The following TAX1BP3 variants were observed in gnomAD, a reference collection of about 807,000 sequenced individuals.
The protein encoded by TAX1BP3 is Tax1 binding protein 3.
Under a neutral mutation model 15.3 loss-of-function variants are expected in TAX1BP3, and 13 were observed. The observed-to-expected ratio is 0.85, with a 90% confidence interval of 0.55 to 1.35. TAX1BP3 has a LOEUF of 1.35. Ranked by LOEUF, TAX1BP3 falls within the 40% of genes most tolerant of loss-of-function variation. TAX1BP3 has a pLI of 0.00. For synonymous variants in TAX1BP3, 70 were observed against 66.0 expected (o/e 1.06, Z -0.30); for missense variants, 147 against 169.6 (o/e 0.87, Z 0.74).
intron 1 of TAX1BP3, chr17:3,665,114 C>T (rs866571394): frequency 1.9e-5 from 14 of 723,950 alleles, no homozygotes; most frequent in Middle Eastern, 6.9e-4. Context: ...GTGGGAAGCC[C>T]GTCTCACAGG....
rs1349691476 is a variant in TAX1BP3 at position 3,664,813 on chromosome 17, A to G, written c.40-15T>C. The stretch of plus-strand genomic sequence containing the variant: ...TCAACTCTTTGCTGGCAAAGAAAAA[A>G]GCCAGTTGAGAGAAGTGGGTGGTTG... On this transcript the variant is annotated splice_polypyrimidine_tract_variant and intron_variant, in intron 1 of 3. Transcript: ENST00000225525. The G allele has an allele frequency of 1.2e-6, 2 of 1,611,346 alleles. No individual in the cohort carries two copies. Among genetic ancestry groups the G allele is most frequent in the African/African-American group, 2.7e-5 (2 of 74,808 alleles).
chr17:3,665,093 G>A, intron 1 of TAX1BP3: 2 of 697,142 alleles, frequency 2.9e-6, no homozygotes, highest in Non-Finnish European at 5.1e-6. Flanking sequence ...CAGGTGCTGT[G>A]GCTTCTGTAG....
At chr17:3,665,556 G>C in intron 1 of TAX1BP3, 1 of 1,378,612 alleles carries the variant, frequency 7.3e-7, no homozygotes, top group Non-Finnish European at 1.0e-6. Context: ...GAAGGAAAAT[G>C]ATCAGAAAAA....
At position 3,663,631 on chromosome 17, in the gene TAX1BP3, C is replaced by G; in HGVS notation, c.*117G>C. 1 of 1,448,216 alleles carries G rather than the reference C, an allele frequency of 6.9e-7. No homozygotes were observed. The highest frequency in any genetic ancestry group is 9.2e-7 in the Non-Finnish European group (1 of 1,090,736). The allele number at this position is 1,448,216 out of a possible 1,614,324, so 89.7% of individuals were successfully genotyped here. On this transcript the variant is annotated 3_prime_UTR_variant, in exon 4 of 4. Transcript: ENST00000225525. ...GGCCAGGCCAGGCCTCTGGGACCAG[C>G]TATAGCCCTTCTGAGCTGGGGCCCA...
In TAX1BP3 at chr17:3,668,411, T is replaced by G. The variant is rs1411335120; in HGVS notation, c.39+77A>C. On this transcript the variant is annotated intron_variant, in intron 1 of 3. Coordinates refer to ENST00000225525, the MANE Select transcript of TAX1BP3 (RefSeq NM_014604.4). This position sits in a 1 kb window ranked among gnomAD's most constrained non-coding sequence, Gnocchi z 4.1. ...CCCCGGGTTCGATGCTCTGTCAACC[T>G]GCTTGGGGTGTCCGTTTCCCGCTCT... is the stretch of plus-strand genomic sequence containing the variant. The G allele has an allele frequency of 4.5e-6, 7 of 1,560,398 alleles. No homozygotes were observed. The East Asian group carries it at 1.4e-4, about 31-fold the overall frequency.
At chr17:3,664,382 G>C in intron 2 of TAX1BP3, 110 bp from the exon 3 acceptor site, 19 of 1,276,892 alleles carry the variant, frequency 1.5e-5, no homozygotes, top group Non-Finnish European at 2.1e-5. Context: ...CCTGCACCCA[G>C]CCTCTCCCAG....
In TAX1BP3 at chr17:3,663,668, A is replaced by G. The variant is rs2076306539; in HGVS notation, c.*80T>C. 6.6e-7 allele frequency: 1 copy of G among 1,523,380 alleles called. No homozygotes were observed. The highest frequency in any genetic ancestry group is 1.4e-5 in the African/African-American group (1 of 73,850). 94.4% of individuals were successfully genotyped at this position (1,523,380 alleles called of 1,614,324 possible). On this transcript the variant is annotated 3_prime_UTR_variant, in exon 4 of 4. Transcript: ENST00000225525. ...TGAGCTGGGGCCCAGCGGTCAGCAG[A>G]AGCCAGATGGGGACAGAGTGTGGAA...
At chr17:3,664,050 C>T (rs973033461) in intron 3 of TAX1BP3, 145 bp downstream of exon 3, 2 of 1,419,818 alleles carry the variant, frequency 1.4e-6, no homozygotes, top group Non-Finnish European at 1.9e-6. Context: ...AGAAAGCCAG[C>T]GTCCTCTGGG....
rs1286985518 is a variant in TAX1BP3 at position 3,663,223 on chromosome 17, G to A, written c.*525C>T. Reference sequence around the variant, plus strand: ...CAGCACCCCTCGGGAGAGTGGGAGTGAACGCGGAGCCCACCTGGCTTCATC... The same window carrying A: ...CAGCACCCCTCGGGAGAGTGGGAGTAAACGCGGAGCCCACCTGGCTTCATC... On this transcript the variant is annotated 3_prime_UTR_variant, in exon 4 of 4. Coordinates refer to ENST00000225525, the MANE Select transcript of TAX1BP3 (RefSeq NM_014604.4). 2.0e-5 allele frequency: 3 copies of A among 152,566 alleles called. No homozygotes were observed. Among genetic ancestry groups the A allele is most frequent in the Non-Finnish European group, 2.9e-5 (2 of 68,302 alleles). 9.5% of individuals were successfully genotyped at this position (152,566 alleles called of 1,614,324 possible). A position where few individuals can be genotyped will look rare whatever the true frequency, so the allele number is the denominator to read the frequency against.
intron 1 of TAX1BP3, among the ~76,000 whole-genome samples, chr17:3,666,198 G>C (rs948983037): frequency 6.6e-6 from 1 of 152,204 alleles, no homozygotes; most frequent in Non-Finnish European, 1.5e-5. Flanking sequence ...TTCCCAAAGG[G>C]AGGATTATTT....
intron 1 of TAX1BP3, among the ~76,000 whole-genome samples, chr17:3,667,693 C>A (rs2076356776): frequency 6.6e-6 from 1 of 152,224 alleles, no homozygotes; most frequent in African/African-American, 2.4e-5. Context: ...CTGAGCACTT[C>A]TCTCTGGGAC....
rs1219100734 is a variant in TAX1BP3, at chr17:3,663,617, G to C, written c.*131C>G. ...GAGAAGGGAAGGAAGGCCAGGCCAG[G>C]CCTCTGGGACCAGCTATAGCCCTTC... On this transcript the variant is annotated 3_prime_UTR_variant, in exon 4 of 4. Transcript: ENST00000225525. 7 of 1,346,268 alleles carry C rather than the reference G, an allele frequency of 5.2e-6. No individual in the cohort carries two copies. The highest frequency in any genetic ancestry group is 5.9e-6 in the Non-Finnish European group (6 of 1,025,576). 83.4% of individuals were successfully genotyped at this position (1,346,268 alleles called of 1,614,324 possible). A position where few individuals can be genotyped will look rare whatever the true frequency, so the allele number is the denominator to read the frequency against.
At position 3,668,463 on chromosome 17, in the gene TAX1BP3, G is replaced by A. The variant is rs1178286160; in HGVS notation, c.39+25C>T. 3.7e-6 allele frequency: 6 copies of A among 1,607,308 alleles called. No homozygotes were observed. Among genetic ancestry groups the A allele is most frequent in the Non-Finnish European group, 5.1e-6 (6 of 1,177,604 alleles). The stretch of plus-strand genomic sequence containing the variant: ...CGAGGTGGGGTCAGGCCAAGACGAG[G>A]AGGAGCCCGCGCAAGCGCACTCACC... On this transcript the variant is annotated intron_variant, in intron 1 of 3. Coordinates refer to ENST00000225525, the MANE Select transcript of TAX1BP3 (RefSeq NM_014604.4). This position sits in a 1 kb window ranked among gnomAD's most constrained non-coding sequence, Gnocchi z 4.1.
intron 1 of TAX1BP3, among the ~76,000 whole-genome samples, chr17:3,667,340 CAAAA>C (rs761986087): frequency 3.3e-5 from 2 of 61,160 alleles, no homozygotes; most frequent in East Asian, 4.8e-4. Flanking sequence ...AAGACTGTCT[CAAAA>C]AAAAAAAAAA....
chr17:3,663,580 G>T lies in TAX1BP3; in HGVS notation c.*168C>A. Reference sequence around the variant, plus strand: ...GAGAAAGCCGGTCCCAGAGGCCCCAGGCCAGGGATGGGAGAAGGGAAGGAA... The same window carrying T: ...GAGAAAGCCGGTCCCAGAGGCCCCATGCCAGGGATGGGAGAAGGGAAGGAA... On this transcript the variant is annotated 3_prime_UTR_variant, in exon 4 of 4. Transcript: ENST00000225525. The T allele has an allele frequency of 9.6e-7, 1 of 1,046,326 alleles. No individual in the cohort carries two copies. Among genetic ancestry groups the T allele is most frequent in the Non-Finnish European group, 1.3e-6 (1 of 766,808 alleles). The allele number at this position is 1,046,326 out of a possible 1,614,324, so 64.8% of individuals were successfully genotyped here. A position where few individuals can be genotyped will look rare whatever the true frequency, so the allele number is the denominator to read the frequency against.
chr17:3,663,793 C>A lies in TAX1BP3; in HGVS notation c.330G>T (p.Thr110=). The change falls in exon 4 of 4, where the codon ACG becomes ACT. Residue 110 remains threonine (T), a synonymous_variant. Coordinates refer to ENST00000225525, the MANE Select transcript of TAX1BP3 (RefSeq NM_014604.4). ...RSEEVVRLLV[T]RQSLQKAVQQ... Reference sequence around the variant, plus strand: ...GCACGGCCTTCTGCAGCGACTGCCGCGTCACCAGCAGACGCACCACCTCCT... The same window carrying A: ...GCACGGCCTTCTGCAGCGACTGCCGAGTCACCAGCAGACGCACCACCTCCT... The A allele has an allele frequency of 1.2e-6, 2 of 1,607,620 alleles. No individual in the cohort carries two copies. The highest frequency in any genetic ancestry group is 1.7e-6 in the Non-Finnish European group (2 of 1,179,762).
rs138620805 is a variant in TAX1BP3, at chr17:3,664,257, G to A, written c.175C>T (p.Arg59Trp). The A allele has an allele frequency of 4.0e-5, 64 of 1,613,866 alleles. No individual in the cohort carries two copies. The highest frequency in any genetic ancestry group is 5.3e-5 in the Non-Finnish European group (62 of 1,180,042). ...DKTDKGIYVTRVSEGGPAEIA... is the reference protein window; with the variant it reads ...DKTDKGIYVTWVSEGGPAEIA... ...TCAGCAGGGCCTCCTTCAGACACCC[G>A]TGTGACATAAATACCCTGGAAAGGG... Residue 59 changes from arginine to tryptophan, a missense_variant, in exon 3 of 4, where the codon CGG becomes TGG. Coordinates refer to ENST00000225525, the MANE Select transcript of TAX1BP3 (RefSeq NM_014604.4).
rs1224214877 is a variant in TAX1BP3, at chr17:3,665,706, G to C, written c.40-908C>G. 3.0e-5 allele frequency: 11 copies of C among 367,276 alleles called. No homozygotes were observed. In the African/African-American group the frequency reaches 5.6e-4, roughly 19 times the overall value. 22.8% of individuals were successfully genotyped at this position (367,276 alleles called of 1,614,324 possible). ...TCCCTATGAATTCATGGCATAATAG[G>C]TGTTAAACAAAAAAAAATAAAGGAT... On this transcript the variant is annotated intron_variant, in intron 1 of 3. Coordinates refer to ENST00000225525, the MANE Select transcript of TAX1BP3 (RefSeq NM_014604.4).
intron 2 of TAX1BP3, 138 bp downstream of exon 2, chr17:3,664,541 G>A: frequency 7.9e-7 from 1 of 1,262,566 alleles, no homozygotes; most frequent in Non-Finnish European, 1.1e-6. Context: ...TTCTCACTAG[G>A]TCACTTCCGA....
Sources: allele counts gnomAD v4.1 joint callset (sites outside exome capture counted in the v4.1 genomes callset), GRCh38; gene constraint gnomAD v4.1.1; non-coding constraint Gnocchi (gnomAD v3.1); transcripts MANE v1.5; gene names NCBI Gene and HGNC (gene_info 2026-07-23, HGNC 2026-07-21).